ELP1: variants seen among roughly 807,000 people sequenced by gnomAD.
ELP1 encodes elongator acetyltransferase complex subunit 1.
A neutral mutation model predicts 183.2 loss-of-function variants in ELP1; 131 were observed. The observed-to-expected ratio is 0.72, with a 90% CI of 0.62 to 0.83. The LOEUF (loss-of-function observed/expected upper bound fraction) is 0.83, where lower values mean the gene tolerates loss of function less well. ELP1 is among the 40% of genes least tolerant of loss of function. The pLI is 0.00. For synonymous variants in ELP1, 555 were observed against 569.0 expected, an observed-to-expected ratio of 0.98 and a Z score of 0.35; for missense variants, 1,550 against 1,594.9, an observed-to-expected ratio of 0.97 and a Z score of 0.48.
chr9:108,900,206 G>C, intron 19 of ELP1, 54 bp downstream of exon 19: 1 of 1,209,092 alleles, frequency 8.3e-7, no homozygotes, highest in Middle Eastern at 1.9e-4. Flanking sequence ...ATTATGCTTG[G>C]TACTTGGCTG....
At chr9:108,905,133 A>G (rs1828969904) in intron 14 of ELP1, among the ~76,000 whole-genome samples, 1 of 152,220 alleles carries the variant, frequency 6.6e-6, no homozygotes, top group Admixed American at 6.5e-5. Flanking sequence ...GGCTTTTTCA[A>G]AATATCACGA....
Position 108,868,948 on chromosome 9 carries a change from A to G in ELP1, c.*167T>C, listed in dbSNP as rs1280405439. The G allele has an allele frequency of 1.9e-5, 13 of 693,412 alleles. No individual in the cohort carries two copies. Among genetic ancestry groups the G allele is most frequent in the Non-Finnish European group, 3.2e-5 (12 of 377,800 alleles). The allele number at this position is 693,412 out of a possible 1,614,324, so 43.0% of individuals were successfully genotyped here. ...TCAAGATGTATACACAACATAAAAT[A>G]AATAGAATTGCTTGTTGTCTGCTGA... On this transcript the variant is annotated 3_prime_UTR_variant, in exon 37 of 37. Coordinates refer to ENST00000374647, the MANE Select transcript of ELP1 (RefSeq NM_003640.5).
At chr9:108,895,866 T>G (rs1266984531) in intron 25 of ELP1, among the ~76,000 whole-genome samples, 2 of 152,182 alleles carry the variant, frequency 1.3e-5, no homozygotes, top group East Asian at 3.9e-4. Context: ...AAAAGAGCCA[T>G]GTGAGAAAGA....
intron 29 of ELP1, among the ~76,000 whole-genome samples, chr9:108,888,055 A>T (rs1828195403): frequency 6.6e-6 from 1 of 152,256 alleles, no homozygotes; most frequent in Non-Finnish European, 1.5e-5. Context: ...ACAAATTCTG[A>T]CATATACATA....
At chr9:108,911,307 C>G in intron 11 of ELP1, 127 bp from the exon 12 acceptor site, 1 of 936,388 alleles carries the variant, frequency 1.1e-6, no homozygotes, top group Admixed American at 2.0e-5. Flanking sequence ...CAATGTTTTT[C>G]TCAGGAACAA....
chr9:108,908,678 T>A (rs1030216017), intron 12 of ELP1, among the ~76,000 whole-genome samples: 1 of 152,224 alleles, frequency 6.6e-6, no homozygotes, highest in Non-Finnish European at 1.5e-5. Flanking sequence ...CAACCACCTC[T>A]CAATATCCTC....
At chr9:108,880,674 G>A (rs1344981857) in intron 31 of ELP1, among the ~76,000 whole-genome samples, 1 of 152,104 alleles carries the variant, frequency 6.6e-6, no homozygotes, top group Non-Finnish European at 1.5e-5. Context: ...TACTATCCAA[G>A]GATGCATTTT....
intron 12 of ELP1, 132 bp from the exon 13 acceptor site, chr9:108,908,536 C>T (rs1419057866): frequency 9.8e-6 from 7 of 714,036 alleles, no homozygotes; most frequent in Non-Finnish European, 1.7e-5. Flanking sequence ...TCTCAACCTC[C>T]TTAAAATTTC....
At chr9:108,889,651 T>A (rs1828249397) in intron 28 of ELP1, 2 of 540,352 alleles carry the variant, frequency 3.7e-6, no homozygotes, top group South Asian at 4.1e-5. Context: ...TGACCTGGTA[T>A]CTCTCACTAA....
intron 1 of ELP1, among the ~76,000 whole-genome samples, chr9:108,933,293 G>T (rs1366511582): frequency 6.6e-6 from 1 of 152,176 alleles, no homozygotes; most frequent in Non-Finnish European, 1.5e-5. Flanking sequence ...TCTATTCATT[G>T]ATTAGTTCCG....
chr9:108,876,200 C>A (rs578220310), intron 35 of ELP1, among the ~76,000 whole-genome samples: 1 of 151,990 alleles, frequency 6.6e-6, no homozygotes, highest in Non-Finnish European at 1.5e-5. Flanking sequence ...CACCTGAGCC[C>A]GGGGCGGTGG....
At chr9:108,914,827 G>A (rs1251750022) in intron 10 of ELP1, among the ~76,000 whole-genome samples, 6 of 152,162 alleles carry the variant, frequency 3.9e-5, no homozygotes, top group South Asian at 2.1e-4. Flanking sequence ...GGGTTACACC[G>A]TGTTAGCCAG....
chr9:108,926,457 C>T (rs1350128527), intron 5 of ELP1, 66 bp downstream of exon 5: 1 of 1,249,956 alleles, frequency 8.0e-7, no homozygotes. Flanking sequence ...GCTATTAGTG[C>T]ACAAGGAAAT....
At chr9:108,873,375 G>A (rs1409220439) in intron 36 of ELP1, among the ~76,000 whole-genome samples, 1 of 152,100 alleles carries the variant, frequency 6.6e-6, no homozygotes, top group Non-Finnish European at 1.5e-5. Context: ...ATATTTGAGT[G>A]GCACTAATTT....
intron 2 of ELP1, 142 bp from the exon 3 acceptor site, chr9:108,930,063 T>G: frequency 1.0e-6 from 1 of 962,516 alleles, no homozygotes; most frequent in South Asian, 1.5e-5. Flanking sequence ...ATCCAAACTT[T>G]CATTTGAGAA....
chr9:108,871,167 G>C (rs1199956577), intron 36 of ELP1, among the ~76,000 whole-genome samples: 1 of 151,914 alleles, frequency 6.6e-6, no homozygotes, highest in Admixed American at 6.6e-5. Context: ...AATTCTTTCA[G>C]ACTTTCATGT....
At chr9:108,874,314 C>T (rs781028851) in intron 36 of ELP1, among the ~76,000 whole-genome samples, 3 of 152,166 alleles carry the variant, frequency 2.0e-5, no homozygotes, top group Non-Finnish European at 4.4e-5. Flanking sequence ...CAAAAGAAAG[C>T]GCTTAGGGTT....
chr9:108,902,107 A>G (rs1380911732), intron 16 of ELP1, among the ~76,000 whole-genome samples: 1 of 152,198 alleles, frequency 6.6e-6, no homozygotes, highest in Non-Finnish European at 1.5e-5. Context: ...CCCTCCTATG[A>G]CTGTCACTGA....
At chr9:108,870,899 T>C (rs962173542) in intron 36 of ELP1, among the ~76,000 whole-genome samples, 4 of 152,062 alleles carry the variant, frequency 2.6e-5, no homozygotes, top group African/African-American at 9.7e-5. Flanking sequence ...CTTCTGTTAA[T>C]TCCTCCGGTG....
Sources: gnomAD v4.1 joint callset for allele counts (sites outside exome capture counted in the v4.1 genomes callset) on GRCh38, gnomAD v4.1.1 for gene constraint, MANE v1.5 for transcripts, NCBI Gene and HGNC (gene_info 2026-07-23, HGNC 2026-07-21) for gene names.